The following KCNIP4 variants were observed in gnomAD, a reference collection of about 807,000 sequenced individuals.
KCNIP4 encodes the protein Kv channel-interacting protein 4.
A neutral mutation model predicts 34.0 loss-of-function variants in KCNIP4; 12 were observed. The observed-to-expected ratio is 0.35, with a 90% CI of 0.23 to 0.57. The LOEUF (loss-of-function observed/expected upper bound fraction) is 0.57. KCNIP4 is among the 20% of genes least tolerant of loss of function. The probability of loss-of-function intolerance (pLI) is 0.83; values close to 1 mark genes in which losing one functional copy is unlikely to be tolerated. For missense variants in KCNIP4, 238 were observed against 311.7 expected, an observed-to-expected ratio of 0.76 and a Z score of 1.78; for synonymous variants, 124 against 102.2, an observed-to-expected ratio of 1.21 and a Z score of -1.29.
At chr4:21,909,020 C>T (rs1055915597) in intron 1 of KCNIP4, among the ~76,000 whole-genome samples, 9 of 151,782 alleles carry the variant, frequency 5.9e-5, no homozygotes, top group African/African-American at 2.2e-4. Context: ...CATCTTATTA[C>T]CTGAAAATTA....
chr4:21,610,631 T>C, intron 1 of KCNIP4, among the ~76,000 whole-genome samples: 1 of 152,052 alleles, frequency 6.6e-6, no homozygotes, highest in East Asian at 1.9e-4. Flanking sequence ...TTAGAATACA[T>C]AAAAACACCA....
intron 3 of KCNIP4, among the ~76,000 whole-genome samples, chr4:20,800,863 T>C (rs1363081817): frequency 6.6e-6 from 1 of 152,212 alleles, no homozygotes; most frequent in Admixed American, 6.6e-5. Context: ...ACAAAAATGC[T>C]TATTTAATAA....
intron 1 of KCNIP4, among the ~76,000 whole-genome samples, chr4:21,490,574 T>G (rs1156499765): frequency 1.3e-5 from 2 of 152,148 alleles, no homozygotes; most frequent in Non-Finnish European, 2.9e-5. Flanking sequence ...ATGAACTCAT[T>G]TAGGAAATAA....
intron 1 of KCNIP4, among the ~76,000 whole-genome samples, chr4:21,631,874 C>T (rs1560577371): frequency 6.6e-6 from 1 of 152,166 alleles, no homozygotes; most frequent in Non-Finnish European, 1.5e-5. Context: ...ATTTGGTGTT[C>T]CATCATTTAT....
intron 1 of KCNIP4, among the ~76,000 whole-genome samples, chr4:21,499,346 A>AAAAAAAAAAAAC (rs1491409328): frequency 1.3e-5 from 2 of 148,660 alleles, no homozygotes; most frequent in African/African-American, 5.0e-5. Context: ...AAAAAAAAAA[A>AAAAAAAAAAAAC]CAACTACATA....
chr4:21,929,941 C>T (rs111984033), intron 1 of KCNIP4, among the ~76,000 whole-genome samples: 18 of 152,286 alleles, frequency 1.2e-4, no homozygotes, highest in Admixed American at 3.9e-4. Flanking sequence ...CTGATTCCTT[C>T]TCCTGTTGCA....
chr4:21,925,735 G>T (rs1053495582), intron 1 of KCNIP4, among the ~76,000 whole-genome samples: 2 of 152,138 alleles, frequency 1.3e-5, no homozygotes, highest in East Asian at 3.9e-4. Flanking sequence ...AACTTTCTTT[G>T]GTAATACTCA....
chr4:21,483,384 T>C (rs968924259), intron 1 of KCNIP4, among the ~76,000 whole-genome samples: 3 of 152,136 alleles, frequency 2.0e-5, no homozygotes, highest in Admixed American at 6.5e-5. Context: ...TCCCTGATGC[T>C]ACAGGTGGGG....
intron 1 of KCNIP4, among the ~76,000 whole-genome samples, chr4:21,042,002 G>A (rs1019271289): frequency 1.3e-5 from 2 of 152,288 alleles, no homozygotes; most frequent in Middle Eastern, 3.4e-3. Context: ...GATTGGATTA[G>A]GTGACCCAGG....
At chr4:21,519,067 C>T (rs913103181) in intron 1 of KCNIP4, among the ~76,000 whole-genome samples, 11 of 152,044 alleles carry the variant, frequency 7.2e-5, no homozygotes, top group African/African-American at 2.7e-4. Flanking sequence ...TCACGGTTAT[C>T]GACTGATTAT....
At chr4:21,193,850 C>T (rs908915284) in intron 1 of KCNIP4, among the ~76,000 whole-genome samples, 2 of 152,138 alleles carry the variant, frequency 1.3e-5, no homozygotes, top group African/African-American at 4.8e-5. Context: ...GGATTACAGG[C>T]GTGAGCCACA....
In KCNIP4 at chr4:20,729,523, C is replaced by T. The variant is rs1366648296; in HGVS notation, c.*559G>A. On this transcript the variant is annotated 3_prime_UTR_variant, in exon 9 of 9. Coordinates refer to ENST00000382152, the MANE Select transcript of KCNIP4 (RefSeq NM_025221.6). The stretch of plus-strand genomic sequence containing the variant: ...AAATGTTTAAAAATGCCAGATAAAA[C>T]TAATTTCTAACAGAAGGTGGGAAGG... The T allele has an allele frequency of 7.6e-6, 1 of 130,764 alleles. No individual in the cohort carries two copies. Among genetic ancestry groups the T allele is most frequent in the Non-Finnish European group, 1.7e-5 (1 of 57,590 alleles). The allele number at this position is 130,764 out of a possible 1,614,324, so 8.1% of individuals were successfully genotyped here.
At chr4:21,146,663 C>T (rs1332222085) in intron 1 of KCNIP4, among the ~76,000 whole-genome samples, 1 of 152,112 alleles carries the variant, frequency 6.6e-6, no homozygotes, top group South Asian at 2.1e-4. Flanking sequence ...TGTGTTTACA[C>T]ACATCAAGTG....
At chr4:21,218,877 G>C (rs115883513) in intron 1 of KCNIP4, among the ~76,000 whole-genome samples, 2,881 of 152,188 alleles carry the variant, frequency 0.019, 42 homozygotes, top group Non-Finnish European at 0.029. Flanking sequence ...ATTAACTCTG[G>C]TTTCTACCCT....
At chr4:21,747,826 G>A (rs1716874500) in intron 1 of KCNIP4, among the ~76,000 whole-genome samples, 2 of 152,034 alleles carry the variant, frequency 1.3e-5, no homozygotes, top group Non-Finnish European at 2.9e-5. Context: ...ATATAACTAA[G>A]GTAAAGATCA....
At chr4:21,684,240 A>C (rs1272878970) in intron 1 of KCNIP4, among the ~76,000 whole-genome samples, 1 of 152,330 alleles carries the variant, frequency 6.6e-6, no homozygotes, top group Admixed American at 6.5e-5. Context: ...TATGCGTTTT[A>C]GAAGCTGGAA....
intron 1 of KCNIP4, among the ~76,000 whole-genome samples, chr4:21,250,011 T>C (rs1760576656): frequency 6.6e-6 from 1 of 152,134 alleles, no homozygotes; most frequent in Non-Finnish European, 1.5e-5. Flanking sequence ...TGGTGATTTC[T>C]TGATATCCAT....
chr4:20,756,714 T>C (rs1426317627), intron 4 of KCNIP4, among the ~76,000 whole-genome samples: 3 of 151,948 alleles, frequency 2.0e-5, no homozygotes, highest in Non-Finnish European at 4.4e-5. Context: ...ATGACTCCCA[T>C]GTTGCCACAT....
intron 1 of KCNIP4, among the ~76,000 whole-genome samples, chr4:21,250,026 G>C (rs987085156): frequency 3.3e-5 from 5 of 151,892 alleles, no homozygotes; most frequent in African/African-American, 9.7e-5. Flanking sequence ...ATCCATTCAG[G>C]CTTTGAAAAG....
Sources: gnomAD v4.1 joint callset for allele counts (sites outside exome capture counted in the v4.1 genomes callset) on GRCh38, gnomAD v4.1.1 for gene constraint, MANE v1.5 for transcripts, NCBI Gene and HGNC (gene_info 2026-07-23, HGNC 2026-07-21) for gene names.